STRIP2: variants seen among roughly 807,000 people sequenced by gnomAD.
STRIP2 encodes the protein striatin interacting protein 2, also known as striatin-interacting protein 2.
In STRIP2, 84 loss-of-function variants were observed where a neutral mutation model predicts 107.1. The observed-to-expected ratio is 0.78, with a 90% CI of 0.66 to 0.94. The LOEUF (loss-of-function observed/expected upper bound fraction) is 0.94. Ranked by LOEUF, STRIP2 falls within the 40% of genes least tolerant of loss-of-function variation. The probability of loss-of-function intolerance (pLI) is 0.00; values close to 1 mark genes in which losing one functional copy is unlikely to be tolerated. For missense variants in STRIP2, 888 were observed against 1,034.2 expected (o/e 0.86, Z 1.94); for synonymous variants, 394 against 400.4 (o/e 0.98, Z 0.19).
In STRIP2 at chr7:129,487,914, C is replaced by A. The variant is rs1308411701; in HGVS notation, c.*2085C>A. On this transcript the variant is annotated 3_prime_UTR_variant, in exon 21 of 21. Coordinates refer to ENST00000249344, the MANE Select transcript of STRIP2 (RefSeq NM_020704.3). ...TTTAACATTTTGTATTTATTTACAA[C>A]CCTTTTCTAAGGGAAGGTTACTTCT... is the stretch of plus-strand genomic sequence containing the variant. 2 of 152,200 alleles carry A rather than the reference C, an allele frequency of 1.3e-5. No individual in the cohort carries two copies. Among genetic ancestry groups the A allele is most frequent in the African/African-American group, 4.8e-5 (2 of 41,430 alleles). 9.4% of individuals were successfully genotyped at this position (152,200 alleles called of 1,614,324 possible). A position where few individuals can be genotyped will look rare whatever the true frequency, so the allele number is the denominator to read the frequency against.
intron 3 of STRIP2, among the ~76,000 whole-genome samples, chr7:129,446,829 C>T (rs1046860942): frequency 1.3e-5 from 2 of 152,210 alleles, no homozygotes; most frequent in African/African-American, 4.8e-5. Flanking sequence ...TGATGGAATG[C>T]TGCTGTGCAC....
intron 2 of STRIP2, among the ~76,000 whole-genome samples, chr7:129,443,240 A>C (rs558215631): frequency 3.9e-5 from 6 of 152,020 alleles, no homozygotes; most frequent in Non-Finnish European, 5.9e-5. Flanking sequence ...GGGTCATGCT[A>C]TGTTGCCCAG....
chr7:129,460,418 G>A, intron 13 of STRIP2, 46 bp downstream of exon 13: 1 of 1,515,036 alleles, frequency 6.6e-7, no homozygotes, highest in South Asian at 1.2e-5. Context: ...AAGAAAACCT[G>A]TCTTCAGTGT....
chr7:129,454,258 C>A, intron 6 of STRIP2, 48 bp downstream of exon 6: 1 of 1,589,196 alleles, frequency 6.3e-7, no homozygotes, highest in Non-Finnish European at 8.6e-7. Flanking sequence ...TGATTAGCAC[C>A]TGGGTTACCT....
At chr7:129,453,137 T>C (rs1236917671) in intron 4 of STRIP2, 90 bp from the exon 5 acceptor site, 1 of 1,557,984 alleles carries the variant, frequency 6.4e-7, no homozygotes, top group East Asian at 2.3e-5. Context: ...GGCAGAGTAT[T>C]ATAGGAAAAT....
At position 129,454,126 on chromosome 7, in the gene STRIP2, TCTC is replaced by T; in HGVS notation, c.531-11_531-9del. On this transcript the variant is annotated splice_polypyrimidine_tract_variant and intron_variant, in intron 5 of 20. Coordinates refer to ENST00000249344, the MANE Select transcript of STRIP2 (RefSeq NM_020704.3). The stretch of plus-strand genomic sequence containing the variant: ...AAGTCTTATGCATTCCTGTTCTTTT[TCTC>T]CTCCCCTGGCAGCAACAGCCAGGCC... The T allele has an allele frequency of 6.2e-7, 1 of 1,613,468 alleles. No homozygotes were observed. Among genetic ancestry groups the T allele is most frequent in the Non-Finnish European group, 8.5e-7 (1 of 1,179,594 alleles).
At position 129,471,670 on chromosome 7, in the gene STRIP2, T is replaced by G. The variant is rs147588167; in HGVS notation, c.1944+955T>G. ...ATGGGATTCTTGGCTGGAGGGGACT[T>G]AAGAGCCATTTGATCCAACCCCCTT... On this transcript the variant is annotated intron_variant, in intron 18 of 20. Coordinates refer to ENST00000249344, the MANE Select transcript of STRIP2 (RefSeq NM_020704.3). Among the ~76,000 whole-genome samples the G allele has an allele frequency of 1.0e-3, 156 of 152,318 alleles. 1 individual carries two copies. The highest frequency in any genetic ancestry group is 3.7e-3 in the African/African-American group (153 of 41,572).
chr7:129,478,015 G>C, intron 18 of STRIP2: 1 of 451,630 alleles, frequency 2.2e-6, no homozygotes, highest in Non-Finnish European at 4.4e-6. Context: ...AGTGTGTGGA[G>C]ATGGCAACCA....
Position 129,458,008 on chromosome 7 carries a change from A to C in STRIP2, c.1039-207A>C. On this transcript the variant is annotated intron_variant, in intron 9 of 20. Transcript: ENST00000249344. This position sits in a 1 kb window ranked among gnomAD's most constrained non-coding sequence, Gnocchi z 4.6. ...TTATCTATGCTATGTTCCCTGGCTA[A>C]TGGCAGGGTTACCTGAGAACTTCTT... 1.6e-6 allele frequency: 1 copy of C among 610,474 alleles called. No individual in the cohort carries two copies. The highest frequency in any genetic ancestry group is 3.0e-6 in the Non-Finnish European group (1 of 335,330). The allele number at this position is 610,474 out of a possible 1,614,324, so 37.8% of individuals were successfully genotyped here.
At chr7:129,455,024 C>G (rs1269052240) in intron 7 of STRIP2, among the ~76,000 whole-genome samples, 2 of 152,240 alleles carry the variant, frequency 1.3e-5, no homozygotes, top group African/African-American at 4.8e-5. Flanking sequence ...AAAGCGTCAC[C>G]CTAAGCTCTG....
chr7:129,458,338 G>A lies in STRIP2; in HGVS notation c.1162G>A (p.Glu388Lys), dbSNP rs1392379660. 6.2e-7 allele frequency: 1 copy of A among 1,614,222 alleles called. No individual in the cohort carries two copies. The highest frequency in any genetic ancestry group is 8.5e-7 in the Non-Finnish European group (1 of 1,180,032). Residue 388 changes from glutamate to lysine, a missense_variant, in exon 10 of 21, where the codon GAG (glutamate) becomes AAG (lysine). By Grantham distance (56) the Glu-to-Lys change is moderately conservative. Transcript: ENST00000249344. This position sits in a 1 kb window ranked among gnomAD's most constrained non-coding sequence, Gnocchi z 4.6. Reference protein sequence around the residue: ...AGDGERTLDGELDLLEQDPLV... With the variant: ...AGDGERTLDGKLDLLEQDPLV... ...TGATGGAGAACGAACCTTGGATGGA[G>A]AGCTAGACCTGCTAGAGCAGGACCC...
chr7:129,479,184 G>A (rs1799051477), intron 18 of STRIP2, among the ~76,000 whole-genome samples: 1 of 151,076 alleles, frequency 6.6e-6, no homozygotes, highest in Admixed American at 6.6e-5. Context: ...TGAGGCAGGA[G>A]AATTGCTTGA....
In STRIP2 at chr7:129,486,498, G is replaced by C. The variant is rs1301786068; in HGVS notation, c.*669G>C. On this transcript the variant is annotated 3_prime_UTR_variant, in exon 21 of 21. Coordinates refer to ENST00000249344, the MANE Select transcript of STRIP2 (RefSeq NM_020704.3). ...TATTTCCTTGTGTACTCTGTATAGG[G>C]CATGGAATGCTCTGCCATTTTTAAA... The C allele has an allele frequency of 1.3e-5, 2 of 152,216 alleles. No homozygotes were observed. Among genetic ancestry groups the C allele is most frequent in the African/African-American group, 4.8e-5 (2 of 41,418 alleles). The allele number at this position is 152,216 out of a possible 1,614,324, so 9.4% of individuals were successfully genotyped here. A position where few individuals can be genotyped will look rare whatever the true frequency, so the allele number is the denominator to read the frequency against.
At position 129,458,028 on chromosome 7, in the gene STRIP2, C is replaced by T. The variant is rs1584950499; in HGVS notation, c.1039-187C>T. 1.5e-6 allele frequency: 1 copy of T among 647,366 alleles called. No homozygotes were observed. The highest frequency in any genetic ancestry group is 2.8e-6 in the Non-Finnish European group (1 of 354,610). The allele number at this position is 647,366 out of a possible 1,614,324, so 40.1% of individuals were successfully genotyped here. A position where few individuals can be genotyped will look rare whatever the true frequency, so the allele number is the denominator to read the frequency against. The stretch of plus-strand genomic sequence containing the variant: ...GGCTAATGGCAGGGTTACCTGAGAA[C>T]TTCTTGTCCTGTTATTGGGCCGGGT... On this transcript the variant is annotated intron_variant, in intron 9 of 20. Coordinates refer to ENST00000249344, the MANE Select transcript of STRIP2 (RefSeq NM_020704.3). The surrounding 1 kb of genome is among the most constrained non-coding windows in gnomAD (Gnocchi z 4.6).
At chr7:129,452,398 T>C (rs760103541) in intron 4 of STRIP2, among the ~76,000 whole-genome samples, 15 of 151,740 alleles carry the variant, frequency 9.9e-5, no homozygotes, top group Non-Finnish European at 1.9e-4. Flanking sequence ...AAAAAAAAAT[T>C]GTAAAATAAA....
intron 7 of STRIP2, 87 bp downstream of exon 7, chr7:129,454,614 G>A (rs759451641): frequency 2.9e-5 from 24 of 832,026 alleles, no homozygotes; most frequent in Non-Finnish European, 4.3e-5. Flanking sequence ...GCAGACAGTC[G>A]TTTTTTCTTT....
intron 17 of STRIP2, among the ~76,000 whole-genome samples, chr7:129,468,598 C>T (rs753062588): frequency 3.3e-5 from 5 of 152,144 alleles, no homozygotes; most frequent in African/African-American, 9.7e-5. Flanking sequence ...CCTAACAATA[C>T]GGAGACCTGT....
At chr7:129,476,620 G>T (rs1456451854) in intron 18 of STRIP2, among the ~76,000 whole-genome samples, 2 of 148,910 alleles carry the variant, frequency 1.3e-5, no homozygotes, top group African/African-American at 2.5e-5. Context: ...CACGATGGGC[G>T]GCCGGGCAGA....
intron 18 of STRIP2, among the ~76,000 whole-genome samples, chr7:129,480,167 C>T (rs941043112): frequency 1.3e-5 from 2 of 152,130 alleles, no homozygotes; most frequent in Non-Finnish European, 2.9e-5. Flanking sequence ...GAGTAGATAC[C>T]TGCTTTTAAT....
Sources: gnomAD v4.1 joint callset for allele counts (sites outside exome capture counted in the v4.1 genomes callset) on GRCh38, gnomAD v4.1.1 for gene constraint, Gnocchi (gnomAD v3.1) non-coding constraint, MANE v1.5 for transcripts, NCBI Gene and HGNC (gene_info 2026-07-23, HGNC 2026-07-21) for gene names.